Variants in ADARB2 observed in about 807,000 individuals in gnomAD.
The protein encoded by ADARB2 is adenosine deaminase RNA specific B2 (inactive).
Under a neutral mutation model 62.2 loss-of-function variants are expected in ADARB2, and 25 were observed. The observed-to-expected ratio is 0.40, with a 90% CI of 0.29 to 0.56. ADARB2 has a LOEUF of 0.56. ADARB2 is among the 20% of genes least tolerant of loss of function. The probability of loss-of-function intolerance (pLI) is 0.43; values close to 1 mark genes in which losing one functional copy is unlikely to be tolerated. For missense variants in ADARB2, 1,071 were observed against 1,077.4 expected (o/e 0.99, Z 0.08); for synonymous variants, 572 against 500.8 (o/e 1.14, Z -1.90).
At chr10:1,259,319 T>G (rs1310877663) in intron 4 of ADARB2, among the ~76,000 whole-genome samples, 3 of 152,050 alleles carry the variant, frequency 2.0e-5, no homozygotes, top group South Asian at 4.2e-4. Context: ...CTGAAGGAAA[T>G]AGAGACACAA....
intron 1 of ADARB2, among the ~76,000 whole-genome samples, chr10:1,668,663 A>G (rs988519008): frequency 1.3e-5 from 2 of 152,204 alleles, no homozygotes; most frequent in African/African-American, 4.8e-5. Flanking sequence ...CACCATCTCA[A>G]GAGGCCCCGT....
At chr10:1,347,762 G>A (rs141969385) in intron 3 of ADARB2, among the ~76,000 whole-genome samples, 2 of 152,318 alleles carry the variant, frequency 1.3e-5, no homozygotes, top group African/African-American at 4.8e-5. Context: ...CCCCACGTAC[G>A]CAGTGCACCG....
intron 4 of ADARB2, among the ~76,000 whole-genome samples, chr10:1,269,968 G>C (rs750286440): frequency 3.3e-5 from 5 of 152,198 alleles, no homozygotes; most frequent in Non-Finnish European, 5.9e-5. Context: ...ACTGGATGAT[G>C]TGTTTATAAA....
chr10:1,687,106 A>G (rs955289071), intron 1 of ADARB2, among the ~76,000 whole-genome samples: 1 of 146,380 alleles, frequency 6.8e-6, no homozygotes, highest in Non-Finnish European at 1.5e-5. Context: ...CTCTCATTGC[A>G]ACCTCTGCCT....
At chr10:1,510,530 C>G (rs1831923674) in intron 1 of ADARB2, among the ~76,000 whole-genome samples, 1 of 152,018 alleles carries the variant, frequency 6.6e-6, no homozygotes. Context: ...ACACCCATTG[C>G]CGAATGATTA....
intron 4 of ADARB2, among the ~76,000 whole-genome samples, chr10:1,246,023 T>C (rs11250359): frequency 0.27 from 40,693 of 149,108 alleles, 6,466 homozygotes; most frequent in South Asian, 0.5. Context: ...TTTTAATGAT[T>C]GCCATTCTAA....
chr10:1,655,091 G>T (rs1588340499), intron 1 of ADARB2, among the ~76,000 whole-genome samples: 2 of 152,288 alleles, frequency 1.3e-5, no homozygotes, highest in South Asian at 4.1e-4. Flanking sequence ...GGACTGGGAG[G>T]TGAGGTTCCA....
chr10:1,187,679 C>T (rs1399399236), intron 8 of ADARB2, among the ~76,000 whole-genome samples: 5 of 152,318 alleles, frequency 3.3e-5, no homozygotes, highest in East Asian at 1.9e-4. Context: ...CCAGGCATGA[C>T]GAGGCCCAAA....
intron 1 of ADARB2, among the ~76,000 whole-genome samples, chr10:1,610,044 C>T (rs1833547697): frequency 8.5e-6 from 1 of 117,928 alleles, no homozygotes; most frequent in Non-Finnish European, 2.1e-5. Context: ...AATTGGATTG[C>T]TGCATTTTTT....
chr10:1,574,570 G>A (rs985134597), intron 1 of ADARB2, among the ~76,000 whole-genome samples: 2 of 152,082 alleles, frequency 1.3e-5, no homozygotes, highest in Admixed American at 6.5e-5. Flanking sequence ...GGTGTCGGCA[G>A]GGCTGGTTCC....
At chr10:1,189,940 G>A (rs1460805612) in intron 8 of ADARB2, among the ~76,000 whole-genome samples, 2 of 151,344 alleles carry the variant, frequency 1.3e-5, no homozygotes, top group East Asian at 1.9e-4. Flanking sequence ...CCCCGAACAC[G>A]TGGCGCTACC....
intron 1 of ADARB2, among the ~76,000 whole-genome samples, chr10:1,571,352 G>A (rs746202621): frequency 6.6e-6 from 1 of 151,758 alleles, no homozygotes; most frequent in East Asian, 1.9e-4. Flanking sequence ...TATTTGCTTG[G>A]TGCTTGATAC....
chr10:1,411,869 C>T (rs921006029), intron 1 of ADARB2, among the ~76,000 whole-genome samples: 86 of 152,308 alleles, frequency 5.6e-4, no homozygotes, highest in African/African-American at 2.0e-3. Context: ...CATTTTCAAC[C>T]AAAATTTGAA....
At chr10:1,470,404 A>T (rs1476042260) in intron 1 of ADARB2, among the ~76,000 whole-genome samples, 1 of 152,210 alleles carries the variant, frequency 6.6e-6, no homozygotes, top group Non-Finnish European at 1.5e-5. Context: ...ATCACTCTGC[A>T]CTGTAGGCCC....
chr10:1,566,917 T>C (rs1257840909), intron 1 of ADARB2, among the ~76,000 whole-genome samples: 2 of 152,094 alleles, frequency 1.3e-5, no homozygotes, highest in Non-Finnish European at 2.9e-5. Context: ...GACTTAAAAT[T>C]AATAGGAAGA....
At chr10:1,464,846 G>A (rs1831232149) in intron 1 of ADARB2, among the ~76,000 whole-genome samples, 1 of 152,216 alleles carries the variant, frequency 6.6e-6, no homozygotes, top group African/African-American at 2.4e-5. Flanking sequence ...GTGCACTGGA[G>A]AAGAGGGTGG....
At chr10:1,564,602 T>A (rs1023257727) in intron 1 of ADARB2, among the ~76,000 whole-genome samples, 2 of 151,642 alleles carry the variant, frequency 1.3e-5, no homozygotes, top group African/African-American at 4.9e-5. Context: ...TGGGCAAAGG[T>A]CATGAACAGA....
chr10:1,274,221 C>T (rs1831292083), intron 3 of ADARB2, among the ~76,000 whole-genome samples: 1 of 152,262 alleles, frequency 6.6e-6, no homozygotes, highest in African/African-American at 2.4e-5. Context: ...TGGACTCCAG[C>T]CACGGGGACA....
chr10:1,332,145 T>C (rs974337782), intron 3 of ADARB2, among the ~76,000 whole-genome samples: 7 of 152,230 alleles, frequency 4.6e-5, no homozygotes, highest in African/African-American at 1.7e-4. Flanking sequence ...GGCTCACGCC[T>C]GTAATCCCAA....
Sources: gnomAD v4.1 joint callset for allele counts (sites outside exome capture counted in the v4.1 genomes callset) on GRCh38, gnomAD v4.1.1 for gene constraint, MANE v1.5 for transcripts, NCBI Gene and HGNC (gene_info 2026-07-23, HGNC 2026-07-21) for gene names.